Variants in ATP8A2 observed in about 807,000 individuals in gnomAD.
ATP8A2 encodes ATPase phospholipid transporting 8A2, also known as phospholipid-transporting ATPase IB.
A neutral mutation model predicts 165.6 loss-of-function variants in ATP8A2; 100 were observed. The observed-to-expected ratio is 0.60, with a 90% confidence interval of 0.51 to 0.71. The LOEUF is 0.71. Among genes scored for constraint, ATP8A2 ranks in the 30% least tolerant of loss-of-function variants. The pLI is 0.00. For synonymous variants in ATP8A2, 543 were observed against 548.8 expected, an observed-to-expected ratio of 0.99 and a Z score of 0.15; for missense variants, 1,227 against 1,479.5, an observed-to-expected ratio of 0.83 and a Z score of 2.80.
At chr13:25,970,010 A>C (rs1414861362) in intron 35 of ATP8A2, among the ~76,000 whole-genome samples, 2 of 152,224 alleles carry the variant, frequency 1.3e-5, no homozygotes, top group Non-Finnish European at 2.9e-5. Flanking sequence ...ACATATTCAT[A>C]AGCTCCAAAA....
chr13:25,531,325 GATAT>G (rs57098297), intron 4 of ATP8A2, among the ~76,000 whole-genome samples: 2 of 73,168 alleles, frequency 2.7e-5, no homozygotes, highest in Non-Finnish European at 5.8e-5. Context: ...TGTTATATAT[GATAT>G]ATATATGTTA....
intron 1 of ATP8A2, among the ~76,000 whole-genome samples, chr13:25,424,211 G>T (rs2034379174): frequency 6.6e-6 from 1 of 152,178 alleles, no homozygotes; most frequent in Admixed American, 6.5e-5. Context: ...TGCATAAAGT[G>T]CTTATTATTA....
chr13:25,567,345 T>G (rs1268559858), intron 16 of ATP8A2: 1 of 456,732 alleles, frequency 2.2e-6, no homozygotes, highest in Non-Finnish European at 4.4e-6. Context: ...TGACTCCTCC[T>G]TGGTGGCCAT....
chr13:25,589,748 C>T lies in ATP8A2; in HGVS notation c.2211+49C>T, dbSNP rs767798823. 9 of 1,138,670 alleles carry T rather than the reference C, an allele frequency of 7.9e-6. No individual in the cohort carries two copies. The Admixed American group carries it at 1.7e-4, about 22-fold the overall frequency. 70.5% of individuals were successfully genotyped at this position (1,138,670 alleles called of 1,614,324 possible). On this transcript the variant is annotated intron_variant, in intron 24 of 36. Transcript: ENST00000381655. The stretch of plus-strand genomic sequence containing the variant: ...TTTGCTTTGCTATAACAGTATTAAA[C>T]TCTTTCTTTCTACTATCATTGATAA...
At chr13:25,608,731 A>G (rs1183585160) in intron 24 of ATP8A2, among the ~76,000 whole-genome samples, 1 of 152,184 alleles carries the variant, frequency 6.6e-6, no homozygotes. Context: ...CCATACATAC[A>G]TCTATATCTA....
chr13:25,836,621 T>C (rs1951616606), intron 28 of ATP8A2, among the ~76,000 whole-genome samples: 1 of 152,196 alleles, frequency 6.6e-6, no homozygotes, highest in Non-Finnish European at 1.5e-5. Flanking sequence ...CTGCAGTAGA[T>C]GGCGTTCCTG....
chr13:25,988,615 G>A (rs1253434125), intron 35 of ATP8A2, among the ~76,000 whole-genome samples: 2 of 152,180 alleles, frequency 1.3e-5, no homozygotes, highest in African/African-American at 4.8e-5. Flanking sequence ...TGCTGTGGCA[G>A]GGCTAGATTC....
chr13:25,460,082 T>G (rs2035466000), intron 1 of ATP8A2, among the ~76,000 whole-genome samples: 1 of 152,122 alleles, frequency 6.6e-6, no homozygotes, highest in South Asian at 2.1e-4. Context: ...GTGCCTATAA[T>G]CCCAGCTACT....
chr13:25,696,840 T>C (rs904074402), intron 24 of ATP8A2, among the ~76,000 whole-genome samples: 1 of 152,252 alleles, frequency 6.6e-6, no homozygotes, highest in African/African-American at 2.4e-5. Context: ...CATTCACGAC[T>C]TGGCTAACTG....
intron 27 of ATP8A2, among the ~76,000 whole-genome samples, chr13:25,816,205 A>C (rs555033367): frequency 6.6e-6 from 1 of 152,350 alleles, no homozygotes; most frequent in Admixed American, 6.5e-5. Flanking sequence ...AAAGGACATA[A>C]AACATATTGA....
At chr13:25,483,162 ACTG>A (rs2036255806) in intron 2 of ATP8A2, among the ~76,000 whole-genome samples, 1 of 152,212 alleles carries the variant, frequency 6.6e-6, no homozygotes, top group African/African-American at 2.4e-5. Flanking sequence ...GCAGGGCTAT[ACTG>A]CTGCAGGAGA....
intron 25 of ATP8A2, among the ~76,000 whole-genome samples, chr13:25,759,919 G>A (rs907337846): frequency 1.3e-5 from 2 of 152,276 alleles, no homozygotes; most frequent in South Asian, 2.1e-4. Context: ...CTGTCAGAAT[G>A]CCACTTTAAT....
chr13:25,627,908 G>A (rs1469853443), intron 24 of ATP8A2, among the ~76,000 whole-genome samples: 4 of 152,158 alleles, frequency 2.6e-5, no homozygotes, highest in Non-Finnish European at 1.5e-5. Context: ...AGGCTCATAA[G>A]TGCTATGAGC....
At chr13:25,820,366 T>C (rs969078494) in intron 27 of ATP8A2, among the ~76,000 whole-genome samples, 3 of 152,180 alleles carry the variant, frequency 2.0e-5, no homozygotes, top group African/African-American at 7.2e-5. Context: ...TCCTACCAGC[T>C]CACCAAGTCT....
Position 25,860,831 on chromosome 13 carries a change from G to A in ATP8A2, c.3046G>A (p.Ala1016Thr). The A allele has an allele frequency of 6.3e-7, 1 of 1,598,256 alleles. No homozygotes were observed. The highest frequency in any genetic ancestry group is 8.5e-7 in the Non-Finnish European group (1 of 1,170,304). Reference protein sequence around the residue: ...TYVVVTVCLKAGLETTAWTKF... With the variant: ...TYVVVTVCLKTGLETTAWTKF... ...TGTTGTTGTTACTGTTTGTCTGAAA[G>A]CTGGTTTGGAGACCACAGCTTGGAC... Residue 1016 changes from alanine (A) to threonine (T), a missense_variant, in exon 32 of 37, where the codon GCT (alanine) becomes ACT (threonine). Transcript: ENST00000381655.
chr13:25,880,003 C>A (rs1952930570), intron 33 of ATP8A2, among the ~76,000 whole-genome samples: 1 of 152,144 alleles, frequency 6.6e-6, no homozygotes, highest in Admixed American at 6.5e-5. Flanking sequence ...CAGACCTGAG[C>A]TTGATACACT....
rs562189868 is a variant in ATP8A2 at position 25,531,216 on chromosome 13, T to G, written c.420+556T>G. On this transcript the variant is annotated intron_variant, in intron 4 of 36. Coordinates refer to ENST00000381655, the MANE Select transcript of ATP8A2 (RefSeq NM_016529.6). ...TATGTTATATATGATATATGTTATA[T>G]ATGATATATGTTATATATGATATAT... 4.3e-5 allele frequency among the ~76,000 whole-genome samples: 6 copies of G among 139,382 alleles called. No homozygotes were observed. The East Asian group carries it at 1.2e-3, about 28-fold the overall frequency. 91.4% of individuals were successfully genotyped at this position (139,382 alleles called of 152,430 possible).
chr13:25,595,685 A>G (rs1471485836), intron 24 of ATP8A2, among the ~76,000 whole-genome samples: 1 of 152,178 alleles, frequency 6.6e-6, no homozygotes, highest in African/African-American at 2.4e-5. Flanking sequence ...AAAAGGTTAT[A>G]TATTTTGAAC....
At chr13:25,962,879 A>G (rs1955689064) in intron 34 of ATP8A2, among the ~76,000 whole-genome samples, 1 of 152,204 alleles carries the variant, frequency 6.6e-6, no homozygotes, top group Non-Finnish European at 1.5e-5. Flanking sequence ...TAGAGGGGGA[A>G]AGAATATTAT....
Sources: gnomAD v4.1 joint callset for allele counts (sites outside exome capture counted in the v4.1 genomes callset) on GRCh38, gnomAD v4.1.1 for gene constraint, MANE v1.5 for transcripts, NCBI Gene and HGNC (gene_info 2026-07-23, HGNC 2026-07-21) for gene names.